Variants in FAM78A observed in about 807,000 individuals in gnomAD.
FAM78A encodes family with sequence similarity 78 member A, also known as protein FAM78A.
In FAM78A, 12 loss-of-function variants were observed where a neutral mutation model predicts 22.6. That is an observed-to-expected ratio of 0.53 (90% CI 0.34 to 0.86). FAM78A has a LOEUF of 0.86. Among genes scored for constraint, FAM78A ranks in the 40% least tolerant of loss-of-function variants. The pLI, the probability that FAM78A is intolerant of heterozygous loss-of-function variation, is 0.02. For missense variants in FAM78A, 322 were observed against 396.1 expected (o/e 0.81, Z 1.59); for synonymous variants, 151 against 155.8 (o/e 0.97, Z 0.23).
chr9:131,261,289 C>G lies in FAM78A; in HGVS notation c.385G>C (p.Gly129Arg), dbSNP rs758915740. 6.2e-7 allele frequency: 1 copy of G among 1,607,656 alleles called. No individual in the cohort carries two copies. Among genetic ancestry groups the G allele is most frequent in the Non-Finnish European group, 8.5e-7 (1 of 1,179,558 alleles). ...GKIQAISDSD[G>R]VNYPWYGNTT... ...TTGCCGTACCAGGGGTAGTTCACCC[C>G]ATCCGAGTCGCTGATGGCTTGGATC... is the stretch of plus-strand genomic sequence containing the variant. Residue 129 changes from glycine (G) to arginine (R), a missense_variant, in exon 2 of 2, where the codon GGG becomes CGG. By Grantham distance (125) the Gly-to-Arg change is moderately radical. Coordinates refer to ENST00000372271, the MANE Select transcript of FAM78A (RefSeq NM_033387.4). The surrounding 1 kb of genome is among the most constrained non-coding windows in gnomAD (Gnocchi z 7.1).
chr9:131,278,496 T>G (rs1835512252), upstream of FAM78A, among the ~76,000 whole-genome samples: 1 of 152,174 alleles, frequency 6.6e-6, no homozygotes, highest in African/African-American at 2.4e-5. Context: ...GTCTGCTGGC[T>G]GCCTGTTGGA....
At position 131,264,492 on chromosome 9, in the gene FAM78A, G is replaced by A. The variant is rs181619730; in HGVS notation, c.324-3142C>T. The stretch of plus-strand genomic sequence containing the variant: ...CGCACTGTGGTCCAGTCACAGACGC[G>A]CTGAGCTCTACCAGCTCTTCAGCAG... On this transcript the variant is annotated intron_variant, in intron 1 of 1. Transcript: ENST00000372271. The A allele has an allele frequency of 5.6e-4, 386 of 685,512 alleles. 2 individuals carry two copies. The highest frequency in any genetic ancestry group is 7.4e-5 in the Non-Finnish European group (27 of 365,452). 42.5% of individuals were successfully genotyped at this position (685,512 alleles called of 1,614,324 possible).
At position 131,258,503 on chromosome 9, in the gene FAM78A, G is replaced by C. The variant is rs1835218195; in HGVS notation, c.*2319C>G. Reference sequence around the variant, plus strand: ...AGGTGGGCTGGGGGCCGGGCATGCAGTGGGAGGGGTGCTGGCTCCTGCCTC... The same window carrying C: ...AGGTGGGCTGGGGGCCGGGCATGCACTGGGAGGGGTGCTGGCTCCTGCCTC... On this transcript the variant is annotated 3_prime_UTR_variant, in exon 2 of 2. Coordinates refer to ENST00000372271, the MANE Select transcript of FAM78A (RefSeq NM_033387.4). 2 of 152,316 alleles carry C rather than the reference G, an allele frequency of 1.3e-5. No individual in the cohort carries two copies. Among genetic ancestry groups the C allele is most frequent in the African/African-American group, 4.8e-5 (2 of 41,454 alleles). The allele number at this position is 152,316 out of a possible 1,614,324, so 9.4% of individuals were successfully genotyped here.
chr9:131,266,730 CAG>C (rs34176459), intron 1 of FAM78A, among the ~76,000 whole-genome samples: 68,399 of 151,722 alleles, frequency 0.45, 16,131 homozygotes, highest in East Asian at 0.76. Flanking sequence ...CTACCCTAGA[CAG>C]ACCACGAGGC....
At chr9:131,268,903 AAAG>A (rs1179455713) in intron 1 of FAM78A, among the ~76,000 whole-genome samples, 18 of 151,444 alleles carry the variant, frequency 1.2e-4, no homozygotes, top group Admixed American at 5.9e-4. Context: ...AAAAAAAAAA[AAAG>A]AAGTGCTCTT....
chr9:131,265,004 G>A lies in FAM78A; in HGVS notation c.324-3654C>T, dbSNP rs1448992917. On this transcript the variant is annotated intron_variant, in intron 1 of 1. Coordinates refer to ENST00000372271, the MANE Select transcript of FAM78A (RefSeq NM_033387.4). The surrounding 1 kb of genome is among the most constrained non-coding windows in gnomAD (Gnocchi z 4.3). ...TCCCGAAGTGTCTGGGATTACAGGC[G>A]TGAGCCACCGTCCCCAGCCGAATTA... 2.0e-5 allele frequency among the ~76,000 whole-genome samples: 3 copies of A among 152,194 alleles called. No homozygotes were observed. The highest frequency in any genetic ancestry group is 1.9e-4 in the East Asian group (1 of 5,172).
Position 131,261,136 on chromosome 9 carries a change from G to T in FAM78A, c.538C>A (p.Leu180Ile). Residue 180 changes from leucine to isoleucine, a missense_variant, in exon 2 of 2, where the codon CTC (leucine) becomes ATC (isoleucine). By Grantham distance (5) the Leu-to-Ile change is conservative. Transcript: ENST00000372271. The surrounding 1 kb of genome is among the most constrained non-coding windows in gnomAD (Gnocchi z 7.1). The part of the protein sequence containing the change: ...VPVSESNVAK[L>I]TNIYRDQSFT... ...CTCTGGTCCCGGTAGATATTGGTGA[G>T]CTTGGCCACGTTGCTCTCGCTGACG... 1 of 1,614,164 alleles carries T rather than the reference G, an allele frequency of 6.2e-7. No individual in the cohort carries two copies. The highest frequency in any genetic ancestry group is 8.5e-7 in the Non-Finnish European group (1 of 1,180,006).
At chr9:131,279,018 G>GC (rs571791355), upstream of FAM78A, among the ~76,000 whole-genome samples, 64 of 152,368 alleles carry the variant, frequency 4.2e-4, no homozygotes, top group Non-Finnish European at 6.5e-4. Flanking sequence ...CAGCCATGGA[G>GC]CAGGAAGTGG....
intron 1 of FAM78A, among the ~76,000 whole-genome samples, chr9:131,271,275 T>G (rs182568768): frequency 6.6e-6 from 1 of 152,226 alleles, no homozygotes; most frequent in East Asian, 1.9e-4. Context: ...TAGACAGGTA[T>G]CTGAAACCCA....
At position 131,258,900 on chromosome 9, in the gene FAM78A, C is replaced by G. The variant is rs1835222999; in HGVS notation, c.*1922G>C. On this transcript the variant is annotated 3_prime_UTR_variant, in exon 2 of 2. Coordinates refer to ENST00000372271, the MANE Select transcript of FAM78A (RefSeq NM_033387.4). ...AGGGGCCCCCTGAGCACCGTGCCAG[C>G]CGGCAGCTCCAGCCCAGTGTGTCCC... is the stretch of plus-strand genomic sequence containing the variant. 6.6e-6 allele frequency: 1 copy of G among 152,394 alleles called. No homozygotes were observed. The highest frequency in any genetic ancestry group is 1.5e-5 in the Non-Finnish European group (1 of 68,040). The allele number at this position is 152,394 out of a possible 1,614,324, so 9.4% of individuals were successfully genotyped here.
At chr9:131,270,032 T>TAAAAAA (rs1435340970) in intron 1 of FAM78A, among the ~76,000 whole-genome samples, 2 of 34,126 alleles carry the variant, frequency 5.9e-5, no homozygotes, top group African/African-American at 1.9e-4. Context: ...CCATCCCTAC[T>TAAAAAA]AAAATAAAAA....
Position 131,270,999 on chromosome 9 carries a change from G to GCCTTTTTTT in FAM78A, c.323+4857_323+4858insAAAAAAAGG, listed in dbSNP as rs1311041330. Among the ~76,000 whole-genome samples, 6 of 131,964 alleles carry GCCTTTTTTT rather than the reference G, an allele frequency of 4.5e-5. 3 individuals are homozygous for GCCTTTTTTT. The highest frequency in any genetic ancestry group is 6.4e-5 in the Non-Finnish European group (4 of 62,988). The allele number at this position is 131,964 out of a possible 152,430, so 86.6% of individuals were successfully genotyped here. On this transcript the variant is annotated intron_variant, in intron 1 of 1. Coordinates refer to ENST00000372271, the MANE Select transcript of FAM78A (RefSeq NM_033387.4). ...ACCCCTGCCCTGTCCTTTCCCACCA[G>GCCTTTTTTT]TCTTTTTTTTTTTTTTTTTTTTTTG...
rs1478909069 is a variant in FAM78A at position 131,272,367 on chromosome 9, T to C, written c.323+3490A>G. Among the ~76,000 whole-genome samples, 1 of 152,214 alleles carries C rather than the reference T, an allele frequency of 6.6e-6. No homozygotes were observed. The highest frequency in any genetic ancestry group is 2.4e-5 in the African/African-American group (1 of 41,452). On this transcript the variant is annotated intron_variant, in intron 1 of 1. Transcript: ENST00000372271. The surrounding 1 kb of genome is among the most constrained non-coding windows in gnomAD (Gnocchi z 4.1). ...GGACATCAGGCCCTCCCTGGGGACA[T>C]TATTGACTGTCACAGCTTGCGGGGA...
intron 1 of FAM78A, among the ~76,000 whole-genome samples, chr9:131,267,032 G>A (rs774954963): frequency 2.6e-5 from 4 of 152,160 alleles, no homozygotes; most frequent in Non-Finnish European, 4.4e-5. Flanking sequence ...CACGGGCTGC[G>A]CCAGGCACCA....
At chr9:131,278,181 G>C (rs1053282580), upstream of FAM78A, among the ~76,000 whole-genome samples, 20 of 151,808 alleles carry the variant, frequency 1.3e-4, no homozygotes, top group Non-Finnish European at 2.5e-4. Flanking sequence ...GCAGCTGCTC[G>C]GGGAGCTGAG....
rs1393134776 is a variant in FAM78A, at chr9:131,265,771, G to A, written c.324-4421C>T. ...TTCTGAGTGCAGGCCCCGGACAGCT[G>A]TCCAGTCTAGGAGCCCAGCAGGCCG... On this transcript the variant is annotated intron_variant, in intron 1 of 1. Coordinates refer to ENST00000372271, the MANE Select transcript of FAM78A (RefSeq NM_033387.4). The surrounding 1 kb of genome is among the most constrained non-coding windows in gnomAD (Gnocchi z 4.3). Among the ~76,000 whole-genome samples the A allele has an allele frequency of 6.6e-6, 1 of 152,166 alleles. No homozygotes were observed. Among genetic ancestry groups the A allele is most frequent in the Non-Finnish European group, 1.5e-5 (1 of 68,024 alleles).
At position 131,272,792 on chromosome 9, in the gene FAM78A, A is replaced by G. The variant is rs1222848505; in HGVS notation, c.323+3065T>C. 1.3e-5 allele frequency among the ~76,000 whole-genome samples: 2 copies of G among 152,074 alleles called. No individual in the cohort carries two copies. Among genetic ancestry groups the G allele is most frequent in the Non-Finnish European group, 1.5e-5 (1 of 68,010 alleles). Reference sequence around the variant, plus strand: ...CTAAAAATATAAAAATTAGCTGGGCATGGTGGCGCATGCCTGTAATCCCAG... The same window carrying G: ...CTAAAAATATAAAAATTAGCTGGGCGTGGTGGCGCATGCCTGTAATCCCAG... On this transcript the variant is annotated intron_variant, in intron 1 of 1. Coordinates refer to ENST00000372271, the MANE Select transcript of FAM78A (RefSeq NM_033387.4). The surrounding 1 kb of genome is among the most constrained non-coding windows in gnomAD (Gnocchi z 4.1).
At position 131,259,205 on chromosome 9, in the gene FAM78A, C is replaced by A. The variant is rs1054629801; in HGVS notation, c.*1617G>T. 2 of 152,762 alleles carry A rather than the reference C, an allele frequency of 1.3e-5. No individual in the cohort carries two copies. The highest frequency in any genetic ancestry group is 2.1e-4 in the South Asian group (1 of 4,840). 9.5% of individuals were successfully genotyped at this position (152,762 alleles called of 1,614,324 possible). A position where few individuals can be genotyped will look rare whatever the true frequency, so the allele number is the denominator to read the frequency against. On this transcript the variant is annotated 3_prime_UTR_variant, in exon 2 of 2. Transcript: ENST00000372271. The stretch of plus-strand genomic sequence containing the variant: ...TGTGGGTTTGGCAAGCTGGAAGGAG[C>A]GTGGCTTCAGCGGGATGTCCCCTAA...
chr9:131,278,688 A>G (rs970901172), upstream of FAM78A, among the ~76,000 whole-genome samples: 2 of 152,210 alleles, frequency 1.3e-5, no homozygotes, highest in African/African-American at 4.8e-5. Context: ...GCTCAAAAGG[A>G]GCATGAGGCT....
Sources: gnomAD v4.1 joint callset for allele counts (sites outside exome capture counted in the v4.1 genomes callset) on GRCh38, gnomAD v4.1.1 for gene constraint, Gnocchi (gnomAD v3.1) non-coding constraint, MANE v1.5 for transcripts, NCBI Gene and HGNC (gene_info 2026-07-23, HGNC 2026-07-21) for gene names.